The following GDPD1 variants were observed in gnomAD, a reference collection of about 807,000 sequenced individuals.
GDPD1 encodes the protein glycerophosphodiester phosphodiesterase domain containing 1, also known as lysophospholipase D GDPD1.
In GDPD1, 28 loss-of-function variants were observed where a neutral mutation model predicts 45.1. That is an observed-to-expected ratio of 0.62 (90% CI 0.46 to 0.85). The LOEUF (loss-of-function observed/expected upper bound fraction) is 0.85. Among genes scored for constraint, GDPD1 ranks in the 40% least tolerant of loss-of-function variants. GDPD1 has a pLI of 0.00. For synonymous variants in GDPD1, 139 were observed against 131.4 expected (o/e 1.06, Z -0.40); for missense variants, 256 against 364.8 (o/e 0.70, Z 2.43).
At chr17:59,260,734 A>G (rs1299735101) in intron 6 of GDPD1, 1 of 152,198 alleles carries the variant, frequency 6.6e-6, no homozygotes, top group Non-Finnish European at 1.5e-5. Context: ...TTCAAATACA[A>G]AGAACTCTTT....
At chr17:59,263,599 CTCCCGAGT>C (rs2047376201) in intron 6 of GDPD1, among the ~76,000 whole-genome samples, 1 of 150,276 alleles carries the variant, frequency 6.7e-6, no homozygotes, top group African/African-American at 2.5e-5. Flanking sequence ...CTCCCTCAGC[CTCCCGAGT>C]AGCTGGGATT....
At chr17:59,230,624 C>T (rs1037398907) in intron 1 of GDPD1, among the ~76,000 whole-genome samples, 2 of 151,924 alleles carry the variant, frequency 1.3e-5, no homozygotes, top group South Asian at 2.1e-4. Flanking sequence ...TCAGGTGATC[C>T]GCCTGCCTCA....
intron 2 of GDPD1, among the ~76,000 whole-genome samples, chr17:59,238,268 CAAAAA>C (rs373144110): frequency 2.5e-5 from 2 of 80,190 alleles, no homozygotes; most frequent in Non-Finnish European, 2.5e-5. Context: ...AACTCCATCT[CAAAAA>C]AAAAAAAAAA....
rs553190350 is a variant in GDPD1 at position 59,266,986 on chromosome 17, C to T, written c.577-55C>T. The T allele has an allele frequency of 9.4e-5, 131 of 1,386,706 alleles. 1 individual carries two copies. The African/African-American group carries it at 1.1e-3, about 12-fold the overall frequency. 85.9% of individuals were successfully genotyped at this position (1,386,706 alleles called of 1,614,324 possible). On this transcript the variant is annotated intron_variant, in intron 6 of 9. Transcript: ENST00000284116. ...GAAATACTGAGAGTTGTGAAGTAATCCTCTTTATTTGAGCAGTTGTAAAAA... is the reference window on the plus strand; with the variant it reads ...GAAATACTGAGAGTTGTGAAGTAATTCTCTTTATTTGAGCAGTTGTAAAAA...
At chr17:59,231,661 G>T (rs1302224239) in intron 1 of GDPD1, among the ~76,000 whole-genome samples, 1 of 151,770 alleles carries the variant, frequency 6.6e-6, no homozygotes, top group African/African-American at 2.4e-5. Context: ...GATAAACAGA[G>T]GTGTGGGTGT....
At chr17:59,223,341 C>T (rs1488048854) in intron 1 of GDPD1, among the ~76,000 whole-genome samples, 1 of 152,136 alleles carries the variant, frequency 6.6e-6, no homozygotes, top group African/African-American at 2.4e-5. Flanking sequence ...CCTATAAACA[C>T]TGTGGTAAGT....
intron 3 of GDPD1, among the ~76,000 whole-genome samples, chr17:59,247,333 T>C (rs1479864530): frequency 6.6e-6 from 1 of 152,186 alleles, no homozygotes; most frequent in Non-Finnish European, 1.5e-5. Flanking sequence ...ATTATACTAT[T>C]ACACAAAATG....
rs1035603114 is a variant in GDPD1 at position 59,234,150 on chromosome 17, A to G, written c.143-342A>G. On this transcript the variant is annotated intron_variant, in intron 1 of 9. Transcript: ENST00000284116. ...ATCACGCGGTCAGGAGATCGAGATC[A>G]TCCTGGCTAACACGGTGAAACCCCG... Among the ~76,000 whole-genome samples the G allele has an allele frequency of 1.3e-4, 20 of 152,044 alleles. 1 individual carries two copies. The highest frequency in any genetic ancestry group is 1.2e-3 in the Admixed American group (18 of 15,204).
chr17:59,266,073 A>G (rs1312890128), intron 6 of GDPD1, among the ~76,000 whole-genome samples: 1 of 151,720 alleles, frequency 6.6e-6, no homozygotes, highest in Admixed American at 6.6e-5. Context: ...TGGTGAGAAA[A>G]TAGATTTAAA....
chr17:59,251,513 G>A (rs937063839), intron 4 of GDPD1, among the ~76,000 whole-genome samples: 1 of 148,290 alleles, frequency 6.7e-6, no homozygotes, highest in Non-Finnish European at 1.5e-5. Context: ...GAGCAAGACT[G>A]TGTCTCAAAA....
intron 8 of GDPD1, among the ~76,000 whole-genome samples, chr17:59,271,673 TTCTC>T (rs1424283581): frequency 2.0e-5 from 3 of 151,744 alleles, no homozygotes; most frequent in Non-Finnish European, 4.4e-5. Flanking sequence ...GATGGAGTCT[TTCTC>T]TGTCGCCCAG....
intron 1 of GDPD1, among the ~76,000 whole-genome samples, chr17:59,228,807 G>C (rs777179624): frequency 1.3e-5 from 2 of 151,458 alleles, no homozygotes; most frequent in Non-Finnish European, 2.9e-5. Flanking sequence ...CTTGAGCTAG[G>C]AGTTTGAGGC....
intron 6 of GDPD1, among the ~76,000 whole-genome samples, chr17:59,266,089 A>G (rs935676984): frequency 2.0e-5 from 3 of 151,780 alleles, no homozygotes; most frequent in African/African-American, 7.3e-5. Context: ...TTAAAAAATG[A>G]TTAAGATCTT....
intron 4 of GDPD1, among the ~76,000 whole-genome samples, chr17:59,251,771 T>TAAGGCAGGAGGATCACTTGATCCCAGGGG (rs2047255890): frequency 6.8e-6 from 1 of 147,284 alleles, no homozygotes; most frequent in South Asian, 2.2e-4. Flanking sequence ...TTTGGGAGGC[T>TAAGGCAGGAGGATCACTTGATCCCAGGGG]AAGGCAGGAG....
At chr17:59,269,692 G>A (rs989149849) in intron 7 of GDPD1, among the ~76,000 whole-genome samples, 4 of 151,656 alleles carry the variant, frequency 2.6e-5, no homozygotes, top group African/African-American at 4.8e-5. Flanking sequence ...GCATGGTGGC[G>A]CACATCTGTA....
At position 59,220,617 on chromosome 17, in the gene GDPD1, C is replaced by T; in HGVS notation, c.8C>T (p.Ser3Phe). Residue 3 changes from serine to phenylalanine, a missense_variant, in exon 1 of 10, where the codon TCC becomes TTC. By Grantham distance (155) the Ser-to-Phe change is radical. Transcript: ENST00000284116. MSSTAAFYLLSTL... is the reference protein window; with the variant it reads MSFTAAFYLLSTL... ...TCCCACACGGTGACTGAGATGTCGT[C>T]CACTGCGGCTTTTTACCTTCTCTCT... is the stretch of plus-strand genomic sequence containing the variant. 1.9e-6 allele frequency: 3 copies of T among 1,613,618 alleles called. No homozygotes were observed. The highest frequency in any genetic ancestry group is 2.5e-6 in the Non-Finnish European group (3 of 1,179,758).
chr17:59,225,074 T>G (rs1597959783), intron 1 of GDPD1, among the ~76,000 whole-genome samples: 1 of 150,424 alleles, frequency 6.6e-6, no homozygotes, highest in South Asian at 2.1e-4. Context: ...AATGTGTTTA[T>G]TATTTTCTTT....
rs1335457604 is a variant in GDPD1 at position 59,273,795 on chromosome 17, T to C, written c.*22T>C. 6.5e-7 allele frequency: 1 copy of C among 1,535,002 alleles called. No homozygotes were observed. Among genetic ancestry groups the C allele is most frequent in the Non-Finnish European group, 8.7e-7 (1 of 1,146,058 alleles). ...ATAGAAAAAGAGGTACTTAGAAGTA[T>C]TGAAGGAAAAAATGAAGACCTAAGA... On this transcript the variant is annotated 3_prime_UTR_variant, in exon 10 of 10. Coordinates refer to ENST00000284116, the MANE Select transcript of GDPD1 (RefSeq NM_182569.4).
chr17:59,231,365 C>T (rs1202944107), intron 1 of GDPD1, among the ~76,000 whole-genome samples: 2 of 123,310 alleles, frequency 1.6e-5, no homozygotes, highest in Non-Finnish European at 3.1e-5. Flanking sequence ...CTTGCTCTGT[C>T]GCCCAGGCTG....
Sources: allele counts gnomAD v4.1 joint callset (sites outside exome capture counted in the v4.1 genomes callset), GRCh38; gene constraint gnomAD v4.1.1; transcripts MANE v1.5; gene names NCBI Gene and HGNC (gene_info 2026-07-23, HGNC 2026-07-21).